Variants in KIF6 observed in about 807,000 individuals in gnomAD.
KIF6 encodes kinesin family member 6, also known as kinesin-like protein KIF6.
KIF6 carries 106 observed loss-of-function variants against 112.7 expected under a neutral mutation model. The ratio of observed to expected loss-of-function variants is 0.94; its 90% confidence interval spans 0.80 to 1.11. KIF6 has a LOEUF of 1.11. KIF6 is among the 50% of genes least tolerant of loss of function. KIF6 has a pLI of 0.00. For missense variants in KIF6, 929 were observed against 964.0 expected (o/e 0.96, Z 0.48); for synonymous variants, 339 against 339.9 (o/e 1.00, Z 0.03).
chr6:39,594,600 G>A (rs1782144223), intron 7 of KIF6, among the ~76,000 whole-genome samples: 1 of 152,182 alleles, frequency 6.6e-6, no homozygotes, highest in Admixed American at 6.5e-5. Context: ...GTGGCCATGT[G>A]CACCTTGTTC....
At chr6:39,603,342 C>T (rs1390106366) in intron 6 of KIF6, among the ~76,000 whole-genome samples, 1 of 152,076 alleles carries the variant, frequency 6.6e-6, no homozygotes, top group African/African-American at 2.4e-5. Flanking sequence ...GGATTGAGGC[C>T]AGGAGAGAGG....
intron 13 of KIF6, among the ~76,000 whole-genome samples, chr6:39,482,013 C>T (rs1262038686): frequency 2.0e-5 from 3 of 150,334 alleles, no homozygotes; most frequent in Non-Finnish European, 3.0e-5. Context: ...TAGGCACACA[C>T]ACACACACAC....
Position 39,585,002 on chromosome 6 carries a change from C to T in KIF6, c.991-18G>A. The T allele has an allele frequency of 1.4e-6, 2 of 1,410,328 alleles. No individual in the cohort carries two copies. The highest frequency in any genetic ancestry group is 2.0e-6 in the Non-Finnish European group (2 of 998,392). 87.4% of individuals were successfully genotyped at this position (1,410,328 alleles called of 1,614,324 possible). ...ATAGACTCCTAAGAAAGCAAAGTAA[C>T]TTCTTAAAATATTATGGCATAGAGA... On this transcript the variant is annotated intron_variant, in intron 8 of 22. Coordinates refer to ENST00000287152, the MANE Select transcript of KIF6 (RefSeq NM_145027.6).
At chr6:39,618,967 C>T (rs969056102) in intron 5 of KIF6, among the ~76,000 whole-genome samples, 2 of 152,122 alleles carry the variant, frequency 1.3e-5, no homozygotes, top group Non-Finnish European at 2.9e-5. Flanking sequence ...AATCTGTAAC[C>T]AGATTGCTCA....
At chr6:39,368,332 G>A (rs940048136) in intron 16 of KIF6, among the ~76,000 whole-genome samples, 3 of 152,182 alleles carry the variant, frequency 2.0e-5, no homozygotes, top group East Asian at 1.9e-4. Context: ...CACTCCAAGT[G>A]GGGAAACTGA....
intron 15 of KIF6, among the ~76,000 whole-genome samples, chr6:39,403,328 G>T (rs573638787): frequency 3.9e-5 from 6 of 152,236 alleles, no homozygotes; most frequent in Admixed American, 3.3e-4. Flanking sequence ...GGCCATGTTG[G>T]ACTCACACCC....
At chr6:39,417,879 G>C (rs992730428) in intron 15 of KIF6, among the ~76,000 whole-genome samples, 1 of 152,174 alleles carries the variant, frequency 6.6e-6, no homozygotes, top group Non-Finnish European at 1.5e-5. Context: ...TTCTTAGGGA[G>C]AAACAGTTTA....
intron 12 of KIF6, among the ~76,000 whole-genome samples, chr6:39,540,745 T>G (rs1778743864): frequency 1.3e-5 from 2 of 152,218 alleles, no homozygotes; most frequent in African/African-American, 2.4e-5. Flanking sequence ...CACCCCAAGC[T>G]CAGCACGTGC....
chr6:39,443,795 A>C (rs1772124174), intron 13 of KIF6, among the ~76,000 whole-genome samples: 1 of 152,174 alleles, frequency 6.6e-6, no homozygotes, highest in South Asian at 2.1e-4. Context: ...CTAGCTAAGG[A>C]GCAAAAAATA....
At chr6:39,577,368 A>G (rs1781029299) in intron 10 of KIF6, among the ~76,000 whole-genome samples, 1 of 152,238 alleles carries the variant, frequency 6.6e-6, no homozygotes. Flanking sequence ...ATGTAGCTCT[A>G]TTTCTCATTT....
chr6:39,444,118 T>C (rs1272517432), intron 13 of KIF6, among the ~76,000 whole-genome samples: 5 of 152,222 alleles, frequency 3.3e-5, no homozygotes, highest in Admixed American at 3.3e-4. Context: ...TAGGTAGTAT[T>C]GGGCCTAGTT....
intron 13 of KIF6, among the ~76,000 whole-genome samples, chr6:39,482,545 T>C (rs1186016922): frequency 6.6e-6 from 1 of 152,208 alleles, no homozygotes. Flanking sequence ...TTATTTCTTT[T>C]CATATAACCT....
At chr6:39,525,200 G>C (rs1299085971) in intron 13 of KIF6, among the ~76,000 whole-genome samples, 2 of 152,052 alleles carry the variant, frequency 1.3e-5, no homozygotes, top group African/African-American at 4.8e-5. Context: ...TGGAGTTGCA[G>C]TGGTATGATC....
intron 15 of KIF6, among the ~76,000 whole-genome samples, chr6:39,398,151 G>T (rs1318737506): frequency 6.6e-6 from 1 of 152,156 alleles, no homozygotes; most frequent in Non-Finnish European, 1.5e-5. Context: ...AATATTTGTA[G>T]GGACTTTTAT....
intron 3 of KIF6, among the ~76,000 whole-genome samples, chr6:39,670,448 A>AATTTATTTATT (rs1215036607): frequency 6.6e-6 from 1 of 152,208 alleles, no homozygotes; most frequent in African/African-American, 2.4e-5. Context: ...AAAGCTACAG[A>AATTTATTTATT]AAATATTATT....
chr6:39,665,122 A>G (rs998646347), intron 3 of KIF6, among the ~76,000 whole-genome samples: 25 of 152,202 alleles, frequency 1.6e-4, no homozygotes, highest in African/African-American at 6.0e-4. Context: ...GCATGCACCC[A>G]GCTTTATAAC....
intron 13 of KIF6, among the ~76,000 whole-genome samples, chr6:39,448,483 T>C (rs142332006): frequency 5.6e-4 from 86 of 152,316 alleles, no homozygotes; most frequent in Non-Finnish European, 1.0e-3. Context: ...CCAAAATATG[T>C]TGTATTAAGT....
chr6:39,434,408 A>C (rs1002087472), intron 13 of KIF6, among the ~76,000 whole-genome samples: 18 of 132,282 alleles, frequency 1.4e-4, no homozygotes, highest in African/African-American at 5.0e-4. Context: ...ACTAAAATAC[A>C]AAAAAAAAAA....
intron 13 of KIF6, among the ~76,000 whole-genome samples, chr6:39,472,383 G>A (rs1425759102): frequency 1.3e-5 from 2 of 152,022 alleles, no homozygotes; most frequent in African/African-American, 4.8e-5. Flanking sequence ...TCAAAAATTA[G>A]TACCCTTAAA....
Sources: gnomAD v4.1 joint callset for allele counts (sites outside exome capture counted in the v4.1 genomes callset) on GRCh38, gnomAD v4.1.1 for gene constraint, MANE v1.5 for transcripts, NCBI Gene and HGNC (gene_info 2026-07-23, HGNC 2026-07-21) for gene names.